Variants in UBE2E1 observed in about 807,000 individuals in gnomAD.
UBE2E1 encodes ubiquitin-conjugating enzyme E2 E1.
A neutral mutation model predicts 21.4 loss-of-function variants in UBE2E1; 6 were observed. That is an observed-to-expected ratio of 0.28 (90% CI 0.15 to 0.55). The LOEUF (loss-of-function observed/expected upper bound fraction) is 0.55. Among genes scored for constraint, UBE2E1 ranks in the 20% least tolerant of loss-of-function variants. The probability of loss-of-function intolerance (pLI) is 0.93; values close to 1 mark genes in which losing one functional copy is unlikely to be tolerated. For missense variants in UBE2E1, 142 were observed against 236.5 expected (o/e 0.60, Z 2.62); for synonymous variants, 87 against 82.7 (o/e 1.05, Z -0.28).
intron 3 of UBE2E1, among the ~76,000 whole-genome samples, chr3:23,850,645 T>G (rs573093561): frequency 6.6e-6 from 1 of 150,942 alleles, no homozygotes; most frequent in African/African-American, 2.4e-5. Flanking sequence ...TAGCTGGGAC[T>G]ACATGCATGC....
At chr3:23,809,106 A>G (rs1699335960) in intron 2 of UBE2E1, among the ~76,000 whole-genome samples, 1 of 152,242 alleles carries the variant, frequency 6.6e-6, no homozygotes, top group African/African-American at 2.4e-5. Context: ...AGGTGTAGAA[A>G]AATGAAAGGT....
chr3:23,837,426 T>C (rs1699994935), intron 3 of UBE2E1, among the ~76,000 whole-genome samples: 1 of 152,206 alleles, frequency 6.6e-6, no homozygotes, highest in South Asian at 2.1e-4. Context: ...CCCAGGATAC[T>C]GGTGTCTCAA....
intron 3 of UBE2E1, among the ~76,000 whole-genome samples, chr3:23,843,857 T>G (rs1394052902): frequency 3.3e-5 from 5 of 152,242 alleles, no homozygotes; most frequent in Admixed American, 2.6e-4. Flanking sequence ...AACTTAATTC[T>G]TCTTTCACCC....
chr3:23,860,064 T>A (rs1700520263), intron 3 of UBE2E1, among the ~76,000 whole-genome samples: 1 of 152,182 alleles, frequency 6.6e-6, no homozygotes, highest in South Asian at 2.1e-4. Context: ...TGTCTTGAAA[T>A]AAGGGATGGT....
chr3:23,811,412 G>T, intron 2 of UBE2E1, 48 bp from the exon 3 acceptor site: 1 of 1,601,508 alleles, frequency 6.2e-7, no homozygotes, highest in Non-Finnish European at 8.6e-7. Context: ...GGAGGCTTCC[G>T]CGCCTTAATG....
In UBE2E1 at chr3:23,853,039, C is replaced by T. The variant is rs1700360343; in HGVS notation, c.204-34528C>T. On this transcript the variant is annotated intron_variant, in intron 3 of 5. Coordinates refer to ENST00000306627, the MANE Select transcript of UBE2E1 (RefSeq NM_003341.5). The surrounding 1 kb of genome is among the most constrained non-coding windows in gnomAD (Gnocchi z 4.1). The stretch of plus-strand genomic sequence containing the variant: ...TCAAGTGATTCTCCTGCCTCAGCCT[C>T]CCAAGTAGCTGGGATTACAGGCATG... Among the ~76,000 whole-genome samples, 1 of 152,126 alleles carries T rather than the reference C, an allele frequency of 6.6e-6. No individual in the cohort carries two copies.
intron 3 of UBE2E1, among the ~76,000 whole-genome samples, chr3:23,871,794 T>G (rs1280190840): frequency 2.0e-5 from 3 of 148,922 alleles, no homozygotes; most frequent in Admixed American, 1.3e-4. Context: ...GCAGAGACAC[T>G]CCTCACTTCC....
Position 23,865,423 on chromosome 3 carries a change from G to T in UBE2E1, c.204-22144G>T, listed in dbSNP as rs532817149. On this transcript the variant is annotated intron_variant, in intron 3 of 5. Transcript: ENST00000306627. ...GGCCGGAGTGCAGTGGTGCAATCTCGGCTCACTGCAGCCTCAACTTCCTAG... is the reference window on the plus strand; with the variant it reads ...GGCCGGAGTGCAGTGGTGCAATCTCTGCTCACTGCAGCCTCAACTTCCTAG... 1.6e-4 allele frequency among the ~76,000 whole-genome samples: 25 copies of T among 152,182 alleles called. 1 individual carries two copies. In the South Asian group the frequency reaches 5.0e-3, roughly 30 times the overall value.
intron 3 of UBE2E1, among the ~76,000 whole-genome samples, chr3:23,814,930 T>C (rs1699481429): frequency 6.6e-6 from 1 of 152,234 alleles, no homozygotes; most frequent in Non-Finnish European, 1.5e-5. Flanking sequence ...TAGGATAAAA[T>C]GTCTGAAAAG....
intron 3 of UBE2E1, among the ~76,000 whole-genome samples, chr3:23,852,375 T>C (rs1002701147): frequency 1.3e-5 from 2 of 152,250 alleles, no homozygotes; most frequent in South Asian, 4.1e-4. Context: ...TCAGATACTA[T>C]TGTAAATTTG....
chr3:23,868,265 G>A (rs1004067398), intron 3 of UBE2E1, among the ~76,000 whole-genome samples: 3 of 151,906 alleles, frequency 2.0e-5, no homozygotes, highest in African/African-American at 4.8e-5. Flanking sequence ...ACTCAGAAAC[G>A]CTGCTTACCC....
intron 3 of UBE2E1, among the ~76,000 whole-genome samples, chr3:23,871,816 G>A (rs1700799758): frequency 6.6e-6 from 1 of 151,102 alleles, no homozygotes; most frequent in African/African-American, 2.4e-5. Context: ...AGATGGGATG[G>A]CGGCCGGGAA....
At chr3:23,859,335 G>C (rs1033223311) in intron 3 of UBE2E1, among the ~76,000 whole-genome samples, 1 of 152,152 alleles carries the variant, frequency 6.6e-6, no homozygotes, top group Non-Finnish European at 1.5e-5. Flanking sequence ...CTCCTTAAGG[G>C]AGGTATGAGG....
intron 3 of UBE2E1, among the ~76,000 whole-genome samples, chr3:23,860,853 G>A (rs1575022892): frequency 6.6e-6 from 1 of 152,224 alleles, no homozygotes; most frequent in East Asian, 1.9e-4. Context: ...CACTAGGGAT[G>A]TAACTAATGG....
intron 3 of UBE2E1, among the ~76,000 whole-genome samples, chr3:23,877,879 A>G (rs980958973): frequency 6.6e-6 from 1 of 152,174 alleles, no homozygotes; most frequent in Non-Finnish European, 1.5e-5. Flanking sequence ...ATCAGGAATT[A>G]CTTGAGATTT....
In UBE2E1 at chr3:23,879,157, GAAGTT is replaced by G. The variant is rs565186237; in HGVS notation, c.204-8404_204-8400del. 1.7e-3 allele frequency: 1,157 copies of G among 688,450 alleles called. 2 individuals are homozygous for G. The highest frequency in any genetic ancestry group is 2.6e-3 in the Non-Finnish European group (1,053 of 410,764). 42.6% of individuals were successfully genotyped at this position (688,450 alleles called of 1,614,324 possible). ...GTTTTCTATATCCTAGTTATTTTATGAAGTTAAGTTTTAGTTTCTTCCATCCTTCC... is the reference window on the plus strand; with the variant it reads ...GTTTTCTATATCCTAGTTATTTTATGAAGTTTTAGTTTCTTCCATCCTTCC... On this transcript the variant is annotated intron_variant, in intron 3 of 5. Coordinates refer to ENST00000306627, the MANE Select transcript of UBE2E1 (RefSeq NM_003341.5).
At chr3:23,860,084 A>G (rs1018239555) in intron 3 of UBE2E1, among the ~76,000 whole-genome samples, 1 of 152,178 alleles carries the variant, frequency 6.6e-6, no homozygotes, top group Non-Finnish European at 1.5e-5. Flanking sequence ...TTCTTCTGAC[A>G]TTGCTGAAGG....
chr3:23,862,402 A>G (rs1230448628), intron 3 of UBE2E1, among the ~76,000 whole-genome samples: 4 of 152,158 alleles, frequency 2.6e-5, no homozygotes, highest in Non-Finnish European at 4.4e-5. Context: ...ATACCATTAC[A>G]CTGTGAAACC....
At chr3:23,809,559 T>C (rs1384981473) in intron 2 of UBE2E1, among the ~76,000 whole-genome samples, 1 of 152,256 alleles carries the variant, frequency 6.6e-6, no homozygotes, top group Non-Finnish European at 1.5e-5. Flanking sequence ...CTCCTGCAAA[T>C]CTCTTGCCAG....
Sources: gnomAD v4.1 joint callset for allele counts (sites outside exome capture counted in the v4.1 genomes callset) on GRCh38, gnomAD v4.1.1 for gene constraint, Gnocchi (gnomAD v3.1) non-coding constraint, MANE v1.5 for transcripts, NCBI Gene and HGNC (gene_info 2026-07-23, HGNC 2026-07-21) for gene names.